Variants in FSTL5 observed in about 807,000 individuals in gnomAD.
FSTL5 encodes follistatin-related protein 5.
In FSTL5, 62 loss-of-function variants were observed where a neutral mutation model predicts 89.1. That is an observed-to-expected ratio of 0.70 (90% confidence interval 0.57 to 0.86). The LOEUF (loss-of-function observed/expected upper bound fraction) is 0.86, where lower values mean the gene tolerates loss of function less well. Among genes scored for constraint, FSTL5 ranks in the 40% least tolerant of loss-of-function variants. The pLI is 0.00. For missense variants in FSTL5, 1,057 were observed against 1,001.6 expected, an observed-to-expected ratio of 1.06 and a Z score of -0.75; for synonymous variants, 383 against 346.2, an observed-to-expected ratio of 1.11 and a Z score of -1.18.
At chr4:161,681,842 T>G (rs1737536232) in intron 6 of FSTL5, among the ~76,000 whole-genome samples, 1 of 152,100 alleles carries the variant, frequency 6.6e-6, no homozygotes, top group Admixed American at 6.6e-5. Flanking sequence ...TGCGGGAAGG[T>G]GTTATGTTTA....
intron 3 of FSTL5, among the ~76,000 whole-genome samples, chr4:161,954,959 T>A (rs1354602891): frequency 6.6e-6 from 1 of 151,522 alleles, no homozygotes; most frequent in Non-Finnish European, 1.5e-5. Context: ...AAAGTAATAA[T>A]GACAACATGT....
rs1363879000 is a variant in FSTL5, at chr4:161,386,439, T to A, written c.1852A>T (p.Ile618Phe). Residue 618 changes from isoleucine to phenylalanine, a missense_variant, in exon 16 of 16, where the codon ATT becomes TTT. Ile to Phe is a conservative substitution (Grantham distance 21, BLOSUM62 0). Around this residue, in one of 3 missense-constraint regions of FSTL5, gnomAD observed 980 missense variants for 903.2 expected, o/e 1.08. Transcript: ENST00000306100. ...LIITHMRFGFILHKDEAALQK... is the reference protein window; with the variant it reads ...LIITHMRFGFFLHKDEAALQK... ...AGTGCAGCTTCATCTTTATGAAGAA[T>A]AAATCCAAACCTGAAAAAAATGAAA... The A allele has an allele frequency of 6.2e-7, 1 of 1,604,180 alleles. No individual in the cohort carries two copies. Among genetic ancestry groups the A allele is most frequent in the South Asian group, 1.1e-5 (1 of 90,090 alleles).
intron 6 of FSTL5, among the ~76,000 whole-genome samples, chr4:161,738,515 A>G (rs1199767356): frequency 6.6e-6 from 1 of 152,112 alleles, no homozygotes; most frequent in Non-Finnish European, 1.5e-5. Flanking sequence ...TACTATATAA[A>G]TAAGAGTCAG....
At chr4:161,971,960 A>C (rs1167335478) in intron 3 of FSTL5, among the ~76,000 whole-genome samples, 1 of 152,142 alleles carries the variant, frequency 6.6e-6, no homozygotes. Context: ...AACCATACCA[A>C]GTCAAAGTTA....
intron 3 of FSTL5, among the ~76,000 whole-genome samples, chr4:161,943,162 T>C (rs1338951072): frequency 1.3e-5 from 2 of 151,946 alleles, no homozygotes; most frequent in African/African-American, 2.4e-5. Context: ...TATAACACTG[T>C]ATAAAAAAAT....
chr4:161,511,213 A>C (rs1196880349), intron 10 of FSTL5, among the ~76,000 whole-genome samples: 1 of 152,168 alleles, frequency 6.6e-6, no homozygotes, highest in African/African-American at 2.4e-5. Context: ...ATACACAGCA[A>C]TTACTTCCAG....
intron 2 of FSTL5, among the ~76,000 whole-genome samples, chr4:162,039,086 T>C (rs2111218152): frequency 6.6e-6 from 1 of 151,948 alleles, no homozygotes; most frequent in Middle Eastern, 3.4e-3. Flanking sequence ...TCCTTTCACA[T>C]GGAGAGACAT....
chr4:161,624,163 T>A (rs1735231424), intron 7 of FSTL5, among the ~76,000 whole-genome samples: 6 of 152,052 alleles, frequency 3.9e-5, no homozygotes, highest in Admixed American at 3.9e-4. Flanking sequence ...TTATTCATAG[T>A]CTGAATTTTG....
intron 4 of FSTL5, among the ~76,000 whole-genome samples, chr4:161,893,672 A>G (rs1733059752): frequency 6.6e-6 from 1 of 152,184 alleles, no homozygotes; most frequent in Non-Finnish European, 1.5e-5. Flanking sequence ...TATTTATTGC[A>G]GTCTCTGTTA....
chr4:161,948,485 C>CT (rs35577056), intron 3 of FSTL5, among the ~76,000 whole-genome samples: 65,004 of 113,718 alleles, frequency 0.57, 20,567 homozygotes, highest in African/African-American at 0.76. Flanking sequence ...TCTTTTCTTT[C>CT]TTTTTTTTTT....
At chr4:161,539,735 A>T (rs973058567) in intron 9 of FSTL5, among the ~76,000 whole-genome samples, 3 of 152,132 alleles carry the variant, frequency 2.0e-5, no homozygotes, top group African/African-American at 4.8e-5. Flanking sequence ...AAGCAAAAAC[A>T]AAAACAAAAA....
chr4:162,110,088 C>G (rs1446639631), intron 2 of FSTL5, among the ~76,000 whole-genome samples: 1 of 151,938 alleles, frequency 6.6e-6, no homozygotes, highest in Non-Finnish European at 1.5e-5. Context: ...TTTATTTTCA[C>G]ATGTAACTGA....
chr4:162,085,412 T>C (rs1206266530), intron 2 of FSTL5, among the ~76,000 whole-genome samples: 1 of 152,030 alleles, frequency 6.6e-6, no homozygotes, highest in Non-Finnish European at 1.5e-5. Flanking sequence ...TCAATTTCAG[T>C]ATAAGAAAGT....
At chr4:161,708,889 C>CAAT (rs1331573280) in intron 6 of FSTL5, among the ~76,000 whole-genome samples, 2 of 152,070 alleles carry the variant, frequency 1.3e-5, no homozygotes, top group African/African-American at 4.8e-5. Context: ...CAAAACAGTC[C>CAAT]AATAATATAC....
At chr4:162,033,397 A>G (rs1737612145) in intron 3 of FSTL5, among the ~76,000 whole-genome samples, 1 of 152,138 alleles carries the variant, frequency 6.6e-6, no homozygotes, top group Non-Finnish European at 1.5e-5. Flanking sequence ...ACAACAAAAA[A>G]GTTGACGTTT....
chr4:161,910,985 T>C (rs927977934), intron 4 of FSTL5, among the ~76,000 whole-genome samples: 10 of 152,172 alleles, frequency 6.6e-5, no homozygotes, highest in Non-Finnish European at 2.9e-5. Flanking sequence ...ATCCTCATCC[T>C]TTAAATGTTA....
At chr4:161,627,812 T>TA (rs1735366311) in intron 7 of FSTL5, among the ~76,000 whole-genome samples, 1 of 152,122 alleles carries the variant, frequency 6.6e-6, no homozygotes. Flanking sequence ...GTCTATATAT[T>TA]AAAAAATCTT....
chr4:161,615,121 C>A (rs1322448693), intron 7 of FSTL5, among the ~76,000 whole-genome samples: 1 of 151,556 alleles, frequency 6.6e-6, no homozygotes. Flanking sequence ...GGTGAAACCC[C>A]GTCTCTACTA....
intron 1 of FSTL5, among the ~76,000 whole-genome samples, chr4:162,118,508 C>T (rs1186385429): frequency 6.6e-6 from 1 of 152,016 alleles, no homozygotes; most frequent in Non-Finnish European, 1.5e-5. Context: ...TGATCCGCCC[C>T]GCTCGGCCTC....
Sources: allele counts gnomAD v4.1 joint callset (sites outside exome capture counted in the v4.1 genomes callset), GRCh38; gene constraint gnomAD v4.1.1; regional missense constraint gnomAD v4.1.1; transcripts MANE v1.5; gene names NCBI Gene and HGNC (gene_info 2026-07-23, HGNC 2026-07-21).